Variants in MAP4 observed in about 807,000 individuals in gnomAD.
MAP4 encodes microtubule-associated protein 4.
A neutral mutation model predicts 170.2 loss-of-function variants in MAP4; 76 were observed. The ratio of observed to expected loss-of-function variants is 0.45; its 90% CI spans 0.37 to 0.54. The LOEUF is 0.54. Among genes scored for constraint, MAP4 ranks in the 20% least tolerant of loss-of-function variants. MAP4 has a pLI of 0.00. For missense variants in MAP4, 2,506 were observed against 2,748.0 expected, an observed-to-expected ratio of 0.91 and a Z score of 1.97; for synonymous variants, 909 against 994.5, an observed-to-expected ratio of 0.91 and a Z score of 1.62.
At chr3:48,060,852 T>G (rs1304522104) in intron 1 of MAP4, among the ~76,000 whole-genome samples, 1 of 152,116 alleles carries the variant, frequency 6.6e-6, no homozygotes, top group African/African-American at 2.4e-5. Flanking sequence ...TACAAATAAC[T>G]TTTTTTATTT....
At chr3:48,000,221 CAAAAAA>C (rs530513032) in intron 1 of MAP4, among the ~76,000 whole-genome samples, 7 of 79,894 alleles carry the variant, frequency 8.8e-5, no homozygotes, top group African/African-American at 3.0e-4. Context: ...ACTCCCCCAT[CAAAAAA>C]AAAAAAAAAA....
intron 10 of MAP4, chr3:47,892,318 G>C: frequency 1.3e-6 from 2 of 1,536,220 alleles, no homozygotes; most frequent in Non-Finnish European, 8.7e-7. Flanking sequence ...TTGGTTGCCC[G>C]TCCATGCTGA....
At chr3:47,956,124 T>G (rs1388411716) in intron 3 of MAP4, among the ~76,000 whole-genome samples, 1 of 152,148 alleles carries the variant, frequency 6.6e-6, no homozygotes, top group Non-Finnish European at 1.5e-5. Flanking sequence ...CCAACCTATG[T>G]AGTCTAGCTT....
intron 2 of MAP4, among the ~76,000 whole-genome samples, chr3:47,991,453 T>C (rs2100092148): frequency 6.6e-6 from 1 of 152,084 alleles, no homozygotes. Context: ...GGAGGATCGC[T>C]TGAGGCCATG....
At chr3:48,054,762 C>T (rs752360269) in intron 1 of MAP4, among the ~76,000 whole-genome samples, 60 of 149,914 alleles carry the variant, frequency 4.0e-4, no homozygotes, top group Middle Eastern at 3.5e-3. Context: ...GAGCCAAGAT[C>T]ATACCACTGC....
At chr3:48,025,565 A>C (rs1559813124) in intron 1 of MAP4, among the ~76,000 whole-genome samples, 1 of 151,998 alleles carries the variant, frequency 6.6e-6, no homozygotes, top group African/African-American at 2.4e-5. Context: ...CTGAGATTAC[A>C]GGCATGAGCC....
At chr3:48,004,525 G>C (rs1347052114) in intron 1 of MAP4, among the ~76,000 whole-genome samples, 1 of 152,240 alleles carries the variant, frequency 6.6e-6, no homozygotes, top group Non-Finnish European at 1.5e-5. Flanking sequence ...CAGATACTGA[G>C]TCTCAAATCT....
rs781066386 is a variant in MAP4, at chr3:47,911,195, C to T, written c.3226G>A (p.Gly1076Arg). 32 of 1,535,986 alleles carry T rather than the reference C, an allele frequency of 2.1e-5. No individual in the cohort carries two copies. The highest frequency in any genetic ancestry group is 2.3e-5 in the Non-Finnish European group (26 of 1,146,910). ...AGCTCAGATTTTGCTTTTACCTTCC[C>T]AGAATCTGTTCTCATTTTCCCAGAA... ...GSSGKMRTDSGKVKAKSELPF... is the reference protein window; with the variant it reads ...GSSGKMRTDSRKVKAKSELPF... Residue 1076 changes from glycine (G) to arginine (R), a missense_variant, in exon 9 of 21, where the codon GGG becomes AGG. Physicochemically the swap from Gly to Arg is moderately radical, Grantham distance 125. Transcript: ENST00000683076. The surrounding 1 kb of genome is among the most constrained non-coding windows in gnomAD (Gnocchi z 4.0).
intron 1 of MAP4, among the ~76,000 whole-genome samples, chr3:48,055,261 C>A (rs1459757524): frequency 6.6e-6 from 1 of 151,826 alleles, no homozygotes; most frequent in Non-Finnish European, 1.5e-5. Flanking sequence ...CCCTCTCATG[C>A]GGAGCCGAAG....
chr3:47,867,221 C>T (rs1257733442), intron 17 of MAP4, 25 bp downstream of exon 17: 7 of 1,536,362 alleles, frequency 4.6e-6, no homozygotes, highest in Non-Finnish European at 6.3e-6. Context: ...ATCTCAGATG[C>T]CAGCTAACCA....
At chr3:47,929,722 G>A (rs1013391120) in intron 3 of MAP4, among the ~76,000 whole-genome samples, 1 of 142,472 alleles carries the variant, frequency 7.0e-6, no homozygotes, top group Non-Finnish European at 1.5e-5. Flanking sequence ...AAAAATCTTT[G>A]TGACTTTGGA....
At chr3:47,905,667 A>C (rs2153433325) in intron 9 of MAP4, among the ~76,000 whole-genome samples, 1 of 150,458 alleles carries the variant, frequency 6.6e-6, no homozygotes, top group Non-Finnish European at 1.5e-5. Flanking sequence ...GGCTTTTATA[A>C]ACTTGTTAAT....
chr3:48,042,685 T>C (rs184488044), intron 1 of MAP4, among the ~76,000 whole-genome samples: 39 of 152,280 alleles, frequency 2.6e-4, no homozygotes, highest in African/African-American at 7.9e-4. Context: ...TGCAGCCACC[T>C]TGAAAAAGTC....
chr3:47,959,489 G>A (rs2100070084), intron 3 of MAP4, among the ~76,000 whole-genome samples: 5 of 151,438 alleles, frequency 3.3e-5, no homozygotes, highest in Admixed American at 2.6e-4. Context: ...GGGCGCAGTG[G>A]CTCACGTCTG....
At chr3:47,973,289 A>G (rs746219740) in intron 3 of MAP4, 56 of 984,524 alleles carry the variant, frequency 5.7e-5, no homozygotes, top group Non-Finnish European at 6.5e-5. Context: ...GAGAAAGAGA[A>G]AGAAGGCATA....
chr3:47,969,423 G>GA (rs56969265), intron 3 of MAP4, among the ~76,000 whole-genome samples: 143,667 of 145,620 alleles, frequency 0.99, 70,869 homozygotes, highest in Middle Eastern at 1. Context: ...CGCGGGGAGA[G>GA]AAAAAAAAAA....
chr3:48,052,265 A>G lies in MAP4; in HGVS notation c.-20+36508T>C, dbSNP rs532232625. 7.2e-5 allele frequency among the ~76,000 whole-genome samples: 11 copies of G among 152,306 alleles called. No homozygotes were observed. The East Asian group carries it at 2.1e-3, about 29-fold the overall frequency. ...GAGACAGAGTCTCGCTCTGTCGCCC[A>G]GGCTGGAGTGCGGTGGCGCGATCTT... On this transcript the variant is annotated intron_variant, in intron 1 of 18. Coordinates refer to the MAP4 transcript ENST00000360240.
At chr3:47,955,612 T>C (rs957013715) in intron 3 of MAP4, among the ~76,000 whole-genome samples, 2 of 152,162 alleles carry the variant, frequency 1.3e-5, no homozygotes, top group Non-Finnish European at 2.9e-5. Context: ...AGAGACCCAC[T>C]GCAGCAATGA....
At chr3:47,866,774 T>C (rs911671363) in intron 17 of MAP4, among the ~76,000 whole-genome samples, 6 of 151,960 alleles carry the variant, frequency 3.9e-5, no homozygotes, top group African/African-American at 1.5e-4. Flanking sequence ...GGGGAAGGGA[T>C]AGGAAGAAAA....
Sources: allele counts gnomAD v4.1 joint callset (sites outside exome capture counted in the v4.1 genomes callset), GRCh38; gene constraint gnomAD v4.1.1; non-coding constraint Gnocchi (gnomAD v3.1); transcripts MANE v1.5; gene names NCBI Gene and HGNC (gene_info 2026-07-23, HGNC 2026-07-21).